Variants in ZNF423 observed in about 807,000 individuals in gnomAD.
ZNF423 encodes the protein Ebf-associated zinc finger protein.
ZNF423 carries 12 observed loss-of-function variants against 95.8 expected under a neutral mutation model. The ratio of observed to expected loss-of-function variants is 0.13; its 90% CI spans 0.08 to 0.20. The LOEUF (loss-of-function observed/expected upper bound fraction) is 0.20, where lower values mean the gene tolerates loss of function less well. ZNF423 is among the 10% of genes least tolerant of loss of function. The probability of loss-of-function intolerance (pLI) is 1.00; values close to 1 mark genes in which losing one functional copy is unlikely to be tolerated. For missense variants in ZNF423, 1,316 were observed against 1,737.1 expected (o/e 0.76, Z 4.31); for synonymous variants, 749 against 711.9 (o/e 1.05, Z -0.83).
At chr16:49,739,356 C>T (rs1331002742) in intron 2 of ZNF423, among the ~76,000 whole-genome samples, 6 of 152,182 alleles carry the variant, frequency 3.9e-5, no homozygotes, top group Non-Finnish European at 8.8e-5. Context: ...GGAGGCCTCA[C>T]ATGCTCCTGA....
chr16:49,630,259 A>G (rs1198772378), intron 4 of ZNF423, among the ~76,000 whole-genome samples: 1 of 152,166 alleles, frequency 6.6e-6, no homozygotes, highest in Non-Finnish European at 1.5e-5. Flanking sequence ...AGCCCAGAGT[A>G]CACATCTCAG....
rs1966871784 is a variant in ZNF423, at chr16:49,488,020, T to A, written c.*3255A>T. ...GGCCTCCATGAGGCCAGGGACCACA[T>A]CTGCTGGTCATCTCCTTATCCCCAG... is the stretch of plus-strand genomic sequence containing the variant. On this transcript the variant is annotated 3_prime_UTR_variant, in exon 8 of 8. Transcript: ENST00000563137. 3 of 152,156 alleles carry A rather than the reference T, an allele frequency of 2.0e-5. No individual in the cohort carries two copies. In the South Asian group the frequency reaches 6.2e-4, roughly 31 times the overall value. The allele number at this position is 152,156 out of a possible 1,614,324, so 9.4% of individuals were successfully genotyped here. A position where few individuals can be genotyped will look rare whatever the true frequency, so the allele number is the denominator to read the frequency against.
chr16:49,490,743 C>T lies in ZNF423; in HGVS notation c.*532G>A, dbSNP rs1966924057. On this transcript the variant is annotated 3_prime_UTR_variant, in exon 8 of 8. Transcript: ENST00000563137. ...TTTTAATCACTGTCCGGTGAACTGG[C>T]AAATCCAATCAAAGCATTAGTCTTT... 2 of 157,128 alleles carry T rather than the reference C, an allele frequency of 1.3e-5. No individual in the cohort carries two copies. Among genetic ancestry groups the T allele is most frequent in the East Asian group, 1.8e-4 (1 of 5,486 alleles). 9.7% of individuals were successfully genotyped at this position (157,128 alleles called of 1,614,324 possible).
intron 7 of ZNF423, among the ~76,000 whole-genome samples, chr16:49,507,070 T>A (rs1376579740): frequency 6.6e-6 from 1 of 152,200 alleles, no homozygotes; most frequent in African/African-American, 2.4e-5. Context: ...GGCTAATTAC[T>A]GTCTTTCTGA....
At chr16:49,555,703 G>A (rs1030589141) in intron 5 of ZNF423, among the ~76,000 whole-genome samples, 2 of 152,164 alleles carry the variant, frequency 1.3e-5, no homozygotes, top group African/African-American at 4.8e-5. Context: ...GATGGTAGAT[G>A]GTAGATGGAA....
chr16:49,575,854 C>T (rs1970480930), intron 5 of ZNF423, among the ~76,000 whole-genome samples: 1 of 152,172 alleles, frequency 6.6e-6, no homozygotes, highest in Non-Finnish European at 1.5e-5. Context: ...GTGTAGGTCA[C>T]TGGCCCACAC....
chr16:49,519,956 T>A (rs974402725), intron 7 of ZNF423, among the ~76,000 whole-genome samples: 6 of 152,160 alleles, frequency 3.9e-5, no homozygotes, highest in Non-Finnish European at 5.9e-5. Context: ...CAATACTGCC[T>A]TCATGCCATC....
chr16:49,665,204 G>A (rs112025813), intron 3 of ZNF423, among the ~76,000 whole-genome samples: 12 of 152,334 alleles, frequency 7.9e-5, no homozygotes, highest in African/African-American at 1.7e-4. Flanking sequence ...GGTGGGTAGC[G>A]GCATTCAGTA....
At chr16:49,661,119 G>A (rs1302029816) in intron 3 of ZNF423, among the ~76,000 whole-genome samples, 1 of 151,576 alleles carries the variant, frequency 6.6e-6, no homozygotes, top group South Asian at 2.1e-4. Context: ...TACTCAGGAG[G>A]CTGAAGCAGA....
At chr16:49,514,725 C>T (rs373565645) in intron 7 of ZNF423, among the ~76,000 whole-genome samples, 13 of 152,248 alleles carry the variant, frequency 8.5e-5, no homozygotes, top group South Asian at 2.1e-4. Flanking sequence ...CCTTTAAATG[C>T]GCCCGCTCAA....
intron 3 of ZNF423, among the ~76,000 whole-genome samples, chr16:49,723,969 C>T (rs375145929): frequency 1.2e-3 from 184 of 152,342 alleles, no homozygotes; most frequent in African/African-American, 4.3e-3. Flanking sequence ...GTTCCTTTTC[C>T]AGAAGATTCC....
chr16:49,510,665 C>T (rs531724868), intron 7 of ZNF423, among the ~76,000 whole-genome samples: 2 of 152,312 alleles, frequency 1.3e-5, no homozygotes, highest in African/African-American at 4.8e-5. Flanking sequence ...GCCCCAAGGC[C>T]CCATGTCTTC....
chr16:49,543,132 C>T (rs183203575), intron 5 of ZNF423, among the ~76,000 whole-genome samples: 76 of 152,252 alleles, frequency 5.0e-4, no homozygotes, highest in South Asian at 8.3e-4. Context: ...CCACAAATGA[C>T]GCCAGTATTT....
At chr16:49,666,082 G>A (rs1271550416) in intron 3 of ZNF423, among the ~76,000 whole-genome samples, 5 of 152,292 alleles carry the variant, frequency 3.3e-5, no homozygotes, top group Non-Finnish European at 2.9e-5. Flanking sequence ...CGATCAAAAC[G>A]CAGCGAAGGC....
chr16:49,728,160 C>A (rs1596932363), intron 3 of ZNF423, among the ~76,000 whole-genome samples: 1 of 152,120 alleles, frequency 6.6e-6, no homozygotes, highest in Admixed American at 6.5e-5. Context: ...AACCACTGCA[C>A]AATGGAAGGG....
At chr16:49,630,413 G>A (rs967987800) in intron 4 of ZNF423, among the ~76,000 whole-genome samples, 6 of 152,106 alleles carry the variant, frequency 3.9e-5, no homozygotes, top group Non-Finnish European at 8.8e-5. Flanking sequence ...ATGAACGAAT[G>A]AATGGAATGA....
intron 1 of ZNF423, among the ~76,000 whole-genome samples, chr16:49,849,649 G>C (rs1489890976): frequency 6.6e-6 from 1 of 152,152 alleles, no homozygotes; most frequent in Non-Finnish European, 1.5e-5. Flanking sequence ...GACTCTTGAG[G>C]GGGGTGAGGC....
intron 2 of ZNF423, among the ~76,000 whole-genome samples, chr16:49,776,110 A>G (rs910922459): frequency 6.6e-6 from 1 of 152,222 alleles, no homozygotes. Flanking sequence ...GATGGACTCA[A>G]TGAAGATGGT....
intron 3 of ZNF423, among the ~76,000 whole-genome samples, chr16:49,685,751 AG>A (rs778122180): frequency 6.6e-6 from 1 of 152,138 alleles, no homozygotes; most frequent in Non-Finnish European, 1.5e-5. Context: ...CGTCCTTGAC[AG>A]GGCATTGGCA....
Sources: gnomAD v4.1 joint callset for allele counts (sites outside exome capture counted in the v4.1 genomes callset) on GRCh38, gnomAD v4.1.1 for gene constraint, MANE v1.5 for transcripts, NCBI Gene and HGNC (gene_info 2026-07-23, HGNC 2026-07-21) for gene names.